Variants in ALPK1 observed in about 807,000 individuals in gnomAD.
ALPK1 encodes the protein alpha-protein kinase 1.
In ALPK1, 110 loss-of-function variants were observed where a neutral mutation model predicts 120.6. That is an observed-to-expected ratio of 0.91 (90% CI 0.78 to 1.07). ALPK1 has a LOEUF of 1.07. ALPK1 is among the 50% of genes least tolerant of loss of function. The pLI is 0.00. For synonymous variants in ALPK1, 582 were observed against 560.3 expected (o/e 1.04, Z -0.55); for missense variants, 1,498 against 1,483.9 (o/e 1.01, Z -0.16).
intron 4 of ALPK1, among the ~76,000 whole-genome samples, chr4:112,388,684 A>T (rs886910240): frequency 2.6e-4 from 39 of 152,006 alleles, no homozygotes; most frequent in Admixed American, 1.6e-3. Flanking sequence ...AACAAACTTT[A>T]CTGGGTGTCA....
chr4:112,328,892 T>G (rs1263961190), intron 2 of ALPK1, among the ~76,000 whole-genome samples: 1 of 152,172 alleles, frequency 6.6e-6, no homozygotes, highest in East Asian at 1.9e-4. Context: ...TACTACATTA[T>G]AAAGCAGGGT....
rs1451425380 is a variant in ALPK1 at position 112,435,176 on chromosome 4, A to T, written c.3063A>T (p.Lys1021Asn). 1.3e-5 allele frequency: 21 copies of T among 1,605,034 alleles called. No individual in the cohort carries two copies. The highest frequency in any genetic ancestry group is 1.7e-5 in the Non-Finnish European group (20 of 1,177,994). Residue 1021 changes from lysine to asparagine, a missense_variant, in exon 12 of 16, where the codon AAA becomes AAT. Transcript: ENST00000650871. ...HSALLLKYSK[K>N]SELWTAQETI... The stretch of plus-strand genomic sequence containing the variant: ...CTCTTTTGTTAAAATATTCAAAAAA[A>T]TCTGAACTGTGGACGGCCCAGGAAA...
intron 2 of ALPK1, among the ~76,000 whole-genome samples, chr4:112,319,221 G>T (rs1728762343): frequency 6.6e-6 from 1 of 152,166 alleles, no homozygotes. Flanking sequence ...ATGAGGTGAG[G>T]TTGGCAGCTT....
intron 12 of ALPK1, among the ~76,000 whole-genome samples, chr4:112,437,366 G>GA (rs937647685): frequency 1.3e-5 from 2 of 151,706 alleles, no homozygotes; most frequent in South Asian, 2.1e-4. Context: ...AATGATCCCA[G>GA]AAAAAAAATG....
In ALPK1 at chr4:112,324,530, T is replaced by G. The variant is rs1729022110; in HGVS notation, c.-101+8678T>G. Among the ~76,000 whole-genome samples, 3 of 152,230 alleles carry G rather than the reference T, an allele frequency of 2.0e-5. No individual in the cohort carries two copies. The South Asian group carries it at 6.2e-4, about 32-fold the overall frequency. The stretch of plus-strand genomic sequence containing the variant: ...TCTAACTCTATTGTCCTGGATGGAG[T>G]GCAGTGGCACAATCATAATTCACTG... On this transcript the variant is annotated intron_variant, in intron 2 of 15. Transcript: ENST00000650871.
At chr4:112,392,440 C>A (rs111580030) in intron 4 of ALPK1, among the ~76,000 whole-genome samples, 144 of 152,290 alleles carry the variant, frequency 9.5e-4, no homozygotes, top group African/African-American at 3.1e-3. Context: ...TGTAACTATT[C>A]TGGTTCCAAG....
chr4:112,389,962 C>G (rs1215493136), intron 4 of ALPK1, among the ~76,000 whole-genome samples: 1 of 152,196 alleles, frequency 6.6e-6, no homozygotes, highest in Admixed American at 6.5e-5. Flanking sequence ...TACTCCTGTT[C>G]CAGCTGCAGC....
intron 2 of ALPK1, among the ~76,000 whole-genome samples, chr4:112,324,207 G>A (rs535106789): frequency 3.3e-4 from 50 of 152,146 alleles, no homozygotes; most frequent in Non-Finnish European, 6.2e-4. Flanking sequence ...GGCGCCTGTA[G>A]TCCCAGCTAC....
At chr4:112,412,123 G>A (rs1364106221) in intron 5 of ALPK1, 98 bp downstream of exon 5, 31 of 1,460,898 alleles carry the variant, frequency 2.1e-5, no homozygotes, top group African/African-American at 1.4e-5. Flanking sequence ...CGGAGCACCC[G>A]GGCCCTGCGT....
chr4:112,339,672 T>C (rs573578504), intron 2 of ALPK1, among the ~76,000 whole-genome samples: 25 of 152,338 alleles, frequency 1.6e-4, no homozygotes, highest in African/African-American at 6.0e-4. Flanking sequence ...TTTGTTGAAA[T>C]TGAATCACTG....
chr4:112,395,941 G>C (rs1329578608), intron 4 of ALPK1, among the ~76,000 whole-genome samples: 1 of 152,114 alleles, frequency 6.6e-6, no homozygotes, highest in Admixed American at 6.6e-5. Context: ...AATGTCAATT[G>C]CATGTTTCTG....
chr4:112,332,108 C>T (rs551487541), intron 2 of ALPK1, among the ~76,000 whole-genome samples: 6 of 152,280 alleles, frequency 3.9e-5, no homozygotes, highest in Admixed American at 3.9e-4. Context: ...TTGCCACAGT[C>T]ACTCACTCTA....
intron 4 of ALPK1, chr4:112,411,076 A>G (rs1733430085): frequency 6.5e-6 from 1 of 154,880 alleles, no homozygotes; most frequent in Non-Finnish European, 1.5e-5. Context: ...ACAACGATCA[A>G]TTAATGTCTA....
Position 112,431,871 on chromosome 4 carries a change from GC to G in ALPK1, c.2327del (p.Pro776LeufsTer25). 2.5e-6 allele frequency: 4 copies of G among 1,613,972 alleles called. No homozygotes were observed. The highest frequency in any genetic ancestry group is 3.4e-6 in the Non-Finnish European group (4 of 1,180,030). On this transcript the variant is annotated frameshift_variant, in exon 11 of 16. Transcript: ENST00000650871. LOFTEE classifies it high-confidence loss of function. ...QGEEISERGA[G>X]PTFKASPSWV... Reference sequence around the variant, plus strand: ...GAAGAAATTAGTGAAAGAGGCGCAGGCCCTACATTTAAAGCTAGTCCCTCCT... The same window carrying G: ...GAAGAAATTAGTGAAAGAGGCGCAGGCCTACATTTAAAGCTAGTCCCTCCT...
chr4:112,411,514 C>T (rs1335011125), intron 4 of ALPK1, among the ~76,000 whole-genome samples: 1 of 152,216 alleles, frequency 6.6e-6, no homozygotes, highest in Non-Finnish European at 1.5e-5. Flanking sequence ...CGTGAGCCAC[C>T]ATGCCCGGCC....
intron 2 of ALPK1, among the ~76,000 whole-genome samples, chr4:112,362,528 C>T (rs1730958920): frequency 6.6e-6 from 1 of 151,782 alleles, no homozygotes; most frequent in South Asian, 2.1e-4. Flanking sequence ...ACCAATCTGA[C>T]AGACAAAGAA....
At chr4:112,385,205 C>T (rs1307504654) in intron 4 of ALPK1, among the ~76,000 whole-genome samples, 1 of 152,152 alleles carries the variant, frequency 6.6e-6, no homozygotes, top group Admixed American at 6.5e-5. Context: ...TTTTAAACAT[C>T]ATTAAAAACA....
intron 2 of ALPK1, among the ~76,000 whole-genome samples, chr4:112,340,809 C>G (rs953409104): frequency 1.3e-5 from 2 of 152,230 alleles, no homozygotes; most frequent in Non-Finnish European, 2.9e-5. Flanking sequence ...TAAAACTGCA[C>G]ATGCACTTAG....
intron 1 of ALPK1, among the ~76,000 whole-genome samples, chr4:112,310,339 C>A (rs1247007066): frequency 6.6e-6 from 1 of 152,108 alleles, no homozygotes; most frequent in Non-Finnish European, 1.5e-5. Context: ...TGAGAGGCTC[C>A]AGATCCTTCC....
Sources: allele counts gnomAD v4.1 joint callset (sites outside exome capture counted in the v4.1 genomes callset), GRCh38; gene constraint gnomAD v4.1.1; transcripts MANE v1.5; gene names NCBI Gene and HGNC (gene_info 2026-07-23, HGNC 2026-07-21).